Variants in CNTNAP2 observed in about 807,000 individuals in gnomAD.
The protein encoded by CNTNAP2 is contactin associated protein 2, also known as contactin-associated protein-like 2.
Under a neutral mutation model 155.2 loss-of-function variants are expected in CNTNAP2, and 98 were observed. The ratio of observed to expected loss-of-function variants is 0.63; its 90% CI spans 0.54 to 0.75. CNTNAP2 has a LOEUF of 0.75. Ranked by LOEUF, CNTNAP2 falls within the 30% of genes least tolerant of loss-of-function variation. The pLI is 0.00. For missense variants in CNTNAP2, 1,727 were observed against 1,688.1 expected, an observed-to-expected ratio of 1.02 and a Z score of -0.40; for synonymous variants, 651 against 631.2, an observed-to-expected ratio of 1.03 and a Z score of -0.47.
chr7:146,579,607 G>A (rs574384915), intron 1 of CNTNAP2, among the ~76,000 whole-genome samples: 3 of 152,096 alleles, frequency 2.0e-5, no homozygotes, highest in South Asian at 2.1e-4. Context: ...CTGACTGCCC[G>A]CTAGAGACTC....
intron 1 of CNTNAP2, among the ~76,000 whole-genome samples, chr7:146,607,660 A>G (rs948424624): frequency 6.6e-6 from 1 of 151,742 alleles, no homozygotes; most frequent in Non-Finnish European, 1.5e-5. Flanking sequence ...AAATTTTTAT[A>G]GAGTTGGGGG....
chr7:148,011,501 T>G (rs952068229), intron 15 of CNTNAP2, among the ~76,000 whole-genome samples: 1 of 152,210 alleles, frequency 6.6e-6, no homozygotes, highest in African/African-American at 2.4e-5. Flanking sequence ...CCTTGAGGGT[T>G]TAGAGGGTTT....
chr7:146,513,484 A>T (rs1343311297), intron 1 of CNTNAP2, among the ~76,000 whole-genome samples: 1 of 151,940 alleles, frequency 6.6e-6, no homozygotes, highest in East Asian at 1.9e-4. Context: ...AAGCTTATAA[A>T]AAATCTTATA....
chr7:146,399,635 G>T (rs1336893516), intron 1 of CNTNAP2, among the ~76,000 whole-genome samples: 1 of 152,050 alleles, frequency 6.6e-6, no homozygotes, highest in Middle Eastern at 3.2e-3. Flanking sequence ...GAACATGGGG[G>T]TGCAGATATA....
At chr7:146,611,314 C>T (rs1340031704) in intron 1 of CNTNAP2, among the ~76,000 whole-genome samples, 1 of 152,088 alleles carries the variant, frequency 6.6e-6, no homozygotes, top group Non-Finnish European at 1.5e-5. Context: ...TATTCTCAAG[C>T]CCCTGGGCTC....
intron 1 of CNTNAP2, among the ~76,000 whole-genome samples, chr7:146,645,402 T>C (rs187617481): frequency 6.8e-4 from 103 of 152,312 alleles, no homozygotes; most frequent in Non-Finnish European, 1.9e-4. Flanking sequence ...TCATCCCTCA[T>C]TCTATGTCAG....
chr7:146,771,577 T>C (rs893633564), intron 1 of CNTNAP2, among the ~76,000 whole-genome samples: 1 of 152,204 alleles, frequency 6.6e-6, no homozygotes, highest in African/African-American at 2.4e-5. Context: ...CTTTTCATTC[T>C]TTTACATTTA....
chr7:146,646,363 T>C (rs1049145788), intron 1 of CNTNAP2, among the ~76,000 whole-genome samples: 1 of 152,192 alleles, frequency 6.6e-6, no homozygotes, highest in African/African-American at 2.4e-5. Context: ...TATGTGTATA[T>C]AAATTAGAAC....
chr7:146,969,401 G>A (rs1195252225), intron 3 of CNTNAP2, among the ~76,000 whole-genome samples: 2 of 152,072 alleles, frequency 1.3e-5, no homozygotes. Context: ...GTCTAATGTT[G>A]ACAGTGGGGT....
At chr7:146,302,461 A>G (rs1050847972) in intron 1 of CNTNAP2, among the ~76,000 whole-genome samples, 1 of 152,200 alleles carries the variant, frequency 6.6e-6, no homozygotes, top group Non-Finnish European at 1.5e-5. Context: ...TATAGTATCT[A>G]TTCTATTTCA....
At position 147,079,525 on chromosome 7, in the gene CNTNAP2, C is replaced by G. The variant is rs962019650; in HGVS notation, c.551-28622C>G. The stretch of plus-strand genomic sequence containing the variant: ...CAAGTTAATGGTTGCGGCACACCAA[C>G]ATGGCATATGTATACATATGTAACA... On this transcript the variant is annotated intron_variant, in intron 4 of 23. Transcript: ENST00000361727. Among the ~76,000 whole-genome samples, 3 of 151,800 alleles carry G rather than the reference C, an allele frequency of 2.0e-5. No individual in the cohort carries two copies. The South Asian group carries it at 6.3e-4, about 32-fold the overall frequency.
intron 2 of CNTNAP2, among the ~76,000 whole-genome samples, chr7:146,810,450 A>C (rs571910814): frequency 6.6e-6 from 1 of 152,010 alleles, no homozygotes; most frequent in Non-Finnish European, 1.5e-5. Context: ...AGATGCTATT[A>C]TCATGGGAAC....
chr7:146,272,180 A>G (rs1800092877), intron 1 of CNTNAP2, among the ~76,000 whole-genome samples: 1 of 152,152 alleles, frequency 6.6e-6, no homozygotes, highest in African/African-American at 2.4e-5. Context: ...AGGGGAAGCA[A>G]ACACGTCCTT....
chr7:148,177,389 G>A (rs1794956387), intron 18 of CNTNAP2, among the ~76,000 whole-genome samples: 2 of 152,164 alleles, frequency 1.3e-5, no homozygotes, highest in Admixed American at 6.5e-5. Flanking sequence ...CCAAGCCAAG[G>A]AATTCCTGAG....
intron 22 of CNTNAP2, among the ~76,000 whole-genome samples, chr7:148,394,528 A>G (rs1329977171): frequency 3.9e-5 from 6 of 152,088 alleles, no homozygotes; most frequent in Non-Finnish European, 8.8e-5. Context: ...GAGAATTTTA[A>G]TCATTTTATT....
intron 8 of CNTNAP2, among the ~76,000 whole-genome samples, chr7:147,172,158 A>G (rs892271556): frequency 4.6e-5 from 7 of 152,160 alleles, no homozygotes; most frequent in Non-Finnish European, 8.8e-5. Context: ...CTCGATGACT[A>G]TTTAATGCAT....
chr7:146,208,890 C>A (rs920977597), intron 1 of CNTNAP2: 5 of 151,938 alleles, frequency 3.3e-5, no homozygotes, highest in African/African-American at 1.2e-4. Context: ...CATGACACAT[C>A]CAAGATAAAA....
chr7:146,911,043 A>G lies in CNTNAP2; in HGVS notation c.402+71139A>G, dbSNP rs971518380. ...GAGAAGACATTTATGCAGCCAAAAAACACATGAAAAAATGCTCATCATCAC... is the reference window on the plus strand; with the variant it reads ...GAGAAGACATTTATGCAGCCAAAAAGCACATGAAAAAATGCTCATCATCAC... On this transcript the variant is annotated intron_variant, in intron 3 of 23. Coordinates refer to ENST00000361727, the MANE Select transcript of CNTNAP2 (RefSeq NM_014141.6). 1.6e-4 allele frequency among the ~76,000 whole-genome samples: 25 copies of G among 151,998 alleles called. 1 individual carries two copies. The highest frequency in any genetic ancestry group is 2.9e-4 in the African/African-American group (12 of 41,256).
intron 13 of CNTNAP2, among the ~76,000 whole-genome samples, chr7:147,889,023 C>T (rs913759490): frequency 3.3e-5 from 5 of 151,966 alleles, no homozygotes; most frequent in African/African-American, 1.2e-4. Context: ...ATGTAAGGAA[C>T]AGAAACAAGC....
Sources: gnomAD v4.1 joint callset for allele counts (sites outside exome capture counted in the v4.1 genomes callset) on GRCh38, gnomAD v4.1.1 for gene constraint, MANE v1.5 for transcripts, NCBI Gene and HGNC (gene_info 2026-07-23, HGNC 2026-07-21) for gene names.